The following FER1L6 variants were observed in gnomAD, a reference collection of about 807,000 sequenced individuals.
The protein encoded by FER1L6 is fer-1-like protein 6.
In FER1L6, 177 loss-of-function variants were observed where a neutral mutation model predicts 219.2. That is an observed-to-expected ratio of 0.81 (90% CI 0.71 to 0.91). FER1L6 has a LOEUF of 0.91. FER1L6 is among the 40% of genes least tolerant of loss of function. The pLI is 0.00. For missense variants in FER1L6, 2,153 were observed against 2,259.9 expected (o/e 0.95, Z 0.96); for synonymous variants, 768 against 824.3 (o/e 0.93, Z 1.17).
In FER1L6 at chr8:124,039,946, C is replaced by T; in HGVS notation, c.2529C>T (p.Ser843=). The change falls in exon 20 of 41, where the codon AGC becomes AGT. Residue 843 remains serine (S), a synonymous_variant. Coordinates refer to ENST00000522917, the MANE Select transcript of FER1L6 (RefSeq NM_001039112.2). ...YQARGLIAAD[S]NGLSDPFAKV... is the part of the protein sequence containing the mutation. ...CCCGGGGCCTCATCGCAGCTGACAGCAATGGACTTTCAGACCCTTTTGCCA... is the reference window on the plus strand; with the variant it reads ...CCCGGGGCCTCATCGCAGCTGACAGTAATGGACTTTCAGACCCTTTTGCCA... 6 of 1,614,150 alleles carry T rather than the reference C, an allele frequency of 3.7e-6. No individual in the cohort carries two copies. Among genetic ancestry groups the T allele is most frequent in the Non-Finnish European group, 5.1e-6 (6 of 1,180,008 alleles).
Position 124,101,255 on chromosome 8 carries a change from T to C in FER1L6, c.5042T>C (p.Leu1681Ser), listed in dbSNP as rs1563801058. The change falls in exon 38 of 41, where the codon TTA (leucine) becomes TCA (serine). Residue 1681 changes from leucine (L) to serine (S), a missense_variant. Physicochemically the swap from Leu to Ser is moderately radical, Grantham distance 145 (BLOSUM62 -2). Coordinates refer to ENST00000522917, the MANE Select transcript of FER1L6 (RefSeq NM_001039112.2). ...ACCAAGAGGGAGAACATCTTCTCTTTAGAGAAGATGGAGTGTAAGACTCCT... is the reference window on the plus strand; with the variant it reads ...ACCAAGAGGGAGAACATCTTCTCTTCAGAGAAGATGGAGTGTAAGACTCCT... Reference protein sequence around the residue: ...VITKRENIFSLEKMECKTPAV... With the variant: ...VITKRENIFSSEKMECKTPAV... 1.2e-6 allele frequency: 2 copies of C among 1,612,222 alleles called. No individual in the cohort carries two copies. The highest frequency in any genetic ancestry group is 1.7e-5 in the Admixed American group (1 of 59,990).
intron 2 of FER1L6, among the ~76,000 whole-genome samples, chr8:123,960,958 G>A (rs1385098944): frequency 6.6e-6 from 1 of 152,160 alleles, no homozygotes; most frequent in Non-Finnish European, 1.5e-5. Context: ...TGTTAGAAAT[G>A]CAGAATTTAT....
intron 34 of FER1L6, among the ~76,000 whole-genome samples, chr8:124,093,878 C>A (rs2130955245): frequency 6.6e-6 from 1 of 152,056 alleles, no homozygotes; most frequent in South Asian, 2.1e-4. Context: ...TACAGGCATG[C>A]AATGTATAAT....
At position 123,852,563 on chromosome 8, in the gene FER1L6, G is replaced by A. The variant is rs1374742321; in HGVS notation, c.-8+378G>A. Among the ~76,000 whole-genome samples, 2 of 151,618 alleles carry A rather than the reference G, an allele frequency of 1.3e-5. No individual in the cohort carries two copies. The highest frequency in any genetic ancestry group is 2.4e-5 in the African/African-American group (1 of 41,220). ...AGAAGAGAGACTGGTAAAATTTTGG[G>A]GGATTATAGAGACAAAAAGCATGAG... is the stretch of plus-strand genomic sequence containing the variant. On this transcript the variant is annotated intron_variant, in intron 1 of 40. Transcript: ENST00000522917. The surrounding 1 kb of genome is among the most constrained non-coding windows in gnomAD (Gnocchi z 4.9).
chr8:123,972,634 A>C (rs1186468016), intron 6 of FER1L6, among the ~76,000 whole-genome samples: 1 of 152,202 alleles, frequency 6.6e-6, no homozygotes, highest in Non-Finnish European at 1.5e-5. Flanking sequence ...TTGTTCTTAT[A>C]TTGAGTGGAA....
intron 34 of FER1L6, among the ~76,000 whole-genome samples, chr8:124,094,061 T>TTTGA (rs1396710756): frequency 6.6e-6 from 1 of 152,152 alleles, no homozygotes; most frequent in Admixed American, 6.5e-5. Flanking sequence ...AATAACCTTA[T>TTTGA]TTGATAGAAT....
In FER1L6 at chr8:123,882,319, T is replaced by G. The variant is rs537593586; in HGVS notation, c.-8+30134T>G. Among the ~76,000 whole-genome samples the G allele has an allele frequency of 2.0e-5, 3 of 152,322 alleles. No homozygotes were observed. The East Asian group carries it at 5.8e-4, about 29-fold the overall frequency. Reference sequence around the variant, plus strand: ...ACCTACATGAAGCACCTCAGCTGCCTGGCTCCCTGATGTCCACCTGTCTTA... The same window carrying G: ...ACCTACATGAAGCACCTCAGCTGCCGGGCTCCCTGATGTCCACCTGTCTTA... On this transcript the variant is annotated intron_variant, in intron 1 of 40. Coordinates refer to ENST00000522917, the MANE Select transcript of FER1L6 (RefSeq NM_001039112.2).
At chr8:123,878,108 A>C (rs369966405) in intron 1 of FER1L6, among the ~76,000 whole-genome samples, 1 of 152,302 alleles carries the variant, frequency 6.6e-6, no homozygotes, top group East Asian at 1.9e-4. Flanking sequence ...CAAGTCTTAG[A>C]ATTAAAAACA....
At chr8:123,878,495 C>T (rs1041659599) in intron 1 of FER1L6, among the ~76,000 whole-genome samples, 1 of 152,184 alleles carries the variant, frequency 6.6e-6, no homozygotes, top group Non-Finnish European at 1.5e-5. Context: ...TAATTTCTGA[C>T]TTTTGTCGCT....
intron 12 of FER1L6, among the ~76,000 whole-genome samples, chr8:124,001,738 A>G (rs550708944): frequency 2.0e-5 from 3 of 152,370 alleles, no homozygotes; most frequent in African/African-American, 7.2e-5. Context: ...TTCACTAAAT[A>G]TGAATCAAGA....
chr8:124,049,335 C>T (rs770839821), intron 21 of FER1L6, among the ~76,000 whole-genome samples: 2 of 152,082 alleles, frequency 1.3e-5, no homozygotes, highest in Admixed American at 6.6e-5. Flanking sequence ...CCTGAGCTAC[C>T]GCGCCTGTAT....
At chr8:124,066,647 A>G in intron 27 of FER1L6, 97 bp downstream of exon 27, 1 of 1,354,766 alleles carries the variant, frequency 7.4e-7, no homozygotes, top group Non-Finnish European at 1.0e-6. Flanking sequence ...TTTAAATGCC[A>G]CTATACATAG....
At chr8:123,889,336 T>C (rs1812596797) in intron 1 of FER1L6, among the ~76,000 whole-genome samples, 1 of 152,152 alleles carries the variant, frequency 6.6e-6, no homozygotes, top group South Asian at 2.1e-4. Context: ...AAAATATAAA[T>C]GAGTAAGTGC....
At position 124,118,905 on chromosome 8, in the gene FER1L6, G is replaced by A. The variant is rs778286523; in HGVS notation, c.5351G>A (p.Gly1784Glu). The change falls in exon 40 of 41, where the codon GGA (glycine) becomes GAA (glutamate). Residue 1784 changes from glycine to glutamate, a missense_variant. Physicochemically the swap from Gly to Glu is moderately conservative, Grantham distance 98. Coordinates refer to ENST00000522917, the MANE Select transcript of FER1L6 (RefSeq NM_001039112.2). ...GAAGAAGCTGAGAAAAATCCTGTTG[G>A]AAAAGCCCGAAAGGAGCCAGAGCCC... ...TAEEAEKNPV[G>E]KARKEPEPLA... is the part of the protein sequence containing the mutation. 4 of 1,613,934 alleles carry A rather than the reference G, an allele frequency of 2.5e-6. No homozygotes were observed. Among genetic ancestry groups the A allele is most frequent in the Admixed American group, 1.7e-5 (1 of 59,992 alleles).
Position 124,082,287 on chromosome 8 carries a change from G to A in FER1L6, c.4221-1G>A. 6.2e-7 allele frequency: 1 copy of A among 1,611,982 alleles called. No homozygotes were observed. The highest frequency in any genetic ancestry group is 8.5e-7 in the Non-Finnish European group (1 of 1,178,902). ...TCTTGAAGTCTCTGCTTGGACCGCAGGTCATTTGAGATCCAAGCCACATTC... is the reference window on the plus strand; with the variant it reads ...TCTTGAAGTCTCTGCTTGGACCGCAAGTCATTTGAGATCCAAGCCACATTC... On this transcript the variant is annotated splice_acceptor_variant, in intron 32 of 40. Coordinates refer to ENST00000522917, the MANE Select transcript of FER1L6 (RefSeq NM_001039112.2). LOFTEE classifies it high-confidence loss of function.
intron 1 of FER1L6, among the ~76,000 whole-genome samples, chr8:123,943,990 T>C (rs1814370364): frequency 6.6e-6 from 1 of 152,068 alleles, no homozygotes; most frequent in Non-Finnish European, 1.5e-5. Context: ...GGAGGTAACA[T>C]AGAGTAGAGA....
At chr8:123,923,551 G>A (rs1813444047) in intron 1 of FER1L6, among the ~76,000 whole-genome samples, 1 of 152,118 alleles carries the variant, frequency 6.6e-6, no homozygotes, top group African/African-American at 2.4e-5. Flanking sequence ...ATTTATTTTA[G>A]GTTATTTTTA....
At chr8:124,056,970 G>A (rs531877234) in intron 22 of FER1L6, among the ~76,000 whole-genome samples, 5 of 152,278 alleles carry the variant, frequency 3.3e-5, no homozygotes, top group African/African-American at 2.4e-5. Context: ...CTTGAACCTG[G>A]GAGGCGGAGG....
chr8:124,059,715 T>C (rs1820472096), intron 22 of FER1L6, among the ~76,000 whole-genome samples: 1 of 152,234 alleles, frequency 6.6e-6, no homozygotes, highest in Non-Finnish European at 1.5e-5. Flanking sequence ...CATCCTTTTA[T>C]TGTAGTAGTA....
Sources: gnomAD v4.1 joint callset for allele counts (sites outside exome capture counted in the v4.1 genomes callset) on GRCh38, gnomAD v4.1.1 for gene constraint, Gnocchi (gnomAD v3.1) non-coding constraint, MANE v1.5 for transcripts, NCBI Gene and HGNC (gene_info 2026-07-23, HGNC 2026-07-21) for gene names.